The following ATP8A1 variants were observed in gnomAD, a reference collection of about 807,000 sequenced individuals.
The protein encoded by ATP8A1 is phospholipid-transporting ATPase IA.
ATP8A1 carries 90 observed loss-of-function variants against 177.7 expected under a neutral mutation model. That is an observed-to-expected ratio of 0.51 (90% CI 0.43 to 0.60). The LOEUF is 0.60. Ranked by LOEUF, ATP8A1 falls within the 20% of genes least tolerant of loss-of-function variation. ATP8A1 has a pLI of 0.00. For missense variants in ATP8A1, 1,072 were observed against 1,392.8 expected, an observed-to-expected ratio of 0.77 and a Z score of 3.67; for synonymous variants, 493 against 485.9, an observed-to-expected ratio of 1.01 and a Z score of -0.19.
intron 20 of ATP8A1, among the ~76,000 whole-genome samples, chr4:42,535,508 A>G (rs1035323075): frequency 3.9e-5 from 6 of 152,178 alleles, no homozygotes; most frequent in Non-Finnish European, 7.4e-5. Context: ...GCAGCACAAT[A>G]ATAGTGGGGG....
rs115474540 is a variant in ATP8A1 at position 42,618,438 on chromosome 4, G to A, written c.364-2360C>T. Among the ~76,000 whole-genome samples, 735 of 152,156 alleles carry A rather than the reference G, an allele frequency of 4.8e-3. 2 individuals are homozygous for A. The highest frequency in any genetic ancestry group is 7.6e-3 in the African/African-American group (316 of 41,510). Reference sequence around the variant, plus strand: ...CTGGTTGCCTCTTTAACATCTCTCCGGCAATCTCAAAGGCATCTCAAACTG... The same window carrying A: ...CTGGTTGCCTCTTTAACATCTCTCCAGCAATCTCAAAGGCATCTCAAACTG... On this transcript the variant is annotated intron_variant, in intron 4 of 36. Coordinates refer to ENST00000381668, the MANE Select transcript of ATP8A1 (RefSeq NM_006095.2).
chr4:42,548,899 AAAC>A, intron 19 of ATP8A1, 111 bp downstream of exon 19: 3 of 807,862 alleles, frequency 3.7e-6, no homozygotes, highest in Non-Finnish European at 5.8e-6. Context: ...TATTTTGTCT[AAAC>A]AAATTTAGTT....
chr4:42,631,644 C>A (rs1323715512), intron 1 of ATP8A1, among the ~76,000 whole-genome samples: 1 of 152,178 alleles, frequency 6.6e-6, no homozygotes, highest in Non-Finnish European at 1.5e-5. Flanking sequence ...CTTCTATTCC[C>A]TTCTGCAGAG....
At chr4:42,594,868 T>C (rs1293445501) in intron 6 of ATP8A1, among the ~76,000 whole-genome samples, 1 of 152,148 alleles carries the variant, frequency 6.6e-6, no homozygotes, top group African/African-American at 2.4e-5. Flanking sequence ...AAATCCACAT[T>C]TGACTGTCTG....
chr4:42,453,201 C>T (rs1247271171), intron 29 of ATP8A1, among the ~76,000 whole-genome samples: 1 of 152,166 alleles, frequency 6.6e-6, no homozygotes, highest in East Asian at 1.9e-4. Context: ...ACCTCCGACC[C>T]TTTTTACCAT....
intron 1 of ATP8A1, among the ~76,000 whole-genome samples, chr4:42,655,757 C>T (rs947589281): frequency 6.6e-6 from 1 of 152,042 alleles, no homozygotes; most frequent in Non-Finnish European, 1.5e-5. Context: ...ACAGGGAGCC[C>T]CTAAGGAGAA....
At chr4:42,640,665 T>C (rs1352188184) in intron 1 of ATP8A1, among the ~76,000 whole-genome samples, 3 of 152,194 alleles carry the variant, frequency 2.0e-5, no homozygotes, top group Admixed American at 6.5e-5. Context: ...CTGACAAACA[T>C]ACATGGAGGG....
At chr4:42,570,062 G>C (rs1731751818) in intron 14 of ATP8A1, among the ~76,000 whole-genome samples, 1 of 152,052 alleles carries the variant, frequency 6.6e-6, no homozygotes, top group Non-Finnish European at 1.5e-5. Flanking sequence ...TATTTTTGAC[G>C]AATATACAAT....
intron 1 of ATP8A1, among the ~76,000 whole-genome samples, chr4:42,629,108 T>G (rs1023375467): frequency 6.6e-6 from 1 of 152,222 alleles, no homozygotes; most frequent in Non-Finnish European, 1.5e-5. Flanking sequence ...TTCAAGAATT[T>G]CTGTGGGGCA....
intron 5 of ATP8A1, among the ~76,000 whole-genome samples, chr4:42,613,284 T>A (rs1177823710): frequency 6.6e-6 from 1 of 152,034 alleles, no homozygotes; most frequent in African/African-American, 2.4e-5. Context: ...ACTACCAACA[T>A]AAAAGCCATA....
At chr4:42,426,813 A>G (rs149818043) in intron 33 of ATP8A1, among the ~76,000 whole-genome samples, 165 of 152,366 alleles carry the variant, frequency 1.1e-3, no homozygotes, top group Non-Finnish European at 1.8e-3. Flanking sequence ...CTTATCTGCT[A>G]TTTTTAAAAC....
At chr4:42,425,402 T>C (rs984594264) in intron 33 of ATP8A1, among the ~76,000 whole-genome samples, 1 of 152,138 alleles carries the variant, frequency 6.6e-6, no homozygotes, top group Non-Finnish European at 1.5e-5. Context: ...CCTTTGGCAT[T>C]ACAAATGAAC....
At chr4:42,443,415 A>G (rs1210331480) in intron 33 of ATP8A1, 150 bp downstream of exon 33, 12 of 548,574 alleles carry the variant, frequency 2.2e-5, no homozygotes, top group Non-Finnish European at 3.6e-5. Flanking sequence ...AATCACTCGA[A>G]ACTGTGGAAT....
intron 18 of ATP8A1, 67 bp from the exon 19 acceptor site, chr4:42,549,129 C>T (rs1577562111): frequency 3.1e-4 from 418 of 1,330,130 alleles, no homozygotes; most frequent in African/African-American, 3.0e-5. Flanking sequence ...GAAATAAATC[C>T]TAGCCATAAA....
chr4:42,540,341 C>G (rs889975106), intron 20 of ATP8A1, among the ~76,000 whole-genome samples: 3 of 151,964 alleles, frequency 2.0e-5, no homozygotes, highest in African/African-American at 7.3e-5. Flanking sequence ...GGAATGTAAA[C>G]TAGTACAGCC....
At chr4:42,520,211 G>A (rs902553416) in intron 22 of ATP8A1, among the ~76,000 whole-genome samples, 2 of 152,070 alleles carry the variant, frequency 1.3e-5, no homozygotes, top group Non-Finnish European at 2.9e-5. Flanking sequence ...ACTTCAAGTG[G>A]AAACAATTTA....
rs11311245 is a variant in ATP8A1, at chr4:42,446,080, C to CAAAAAAAAAAAA, written c.2958+491_2958+502dup. The stretch of plus-strand genomic sequence containing the variant: ...GGGCGACAAGAGTGAAACGCCCTCT[C>CAAAAAAAAAAAA]AAAAAAAAAAAAAAAAAAAGAGAAG... On this transcript the variant is annotated intron_variant, in intron 31 of 36. Coordinates refer to ENST00000381668, the MANE Select transcript of ATP8A1 (RefSeq NM_006095.2). Among the ~76,000 whole-genome samples, 44 of 63,904 alleles carry CAAAAAAAAAAAA rather than the reference C, an allele frequency of 6.9e-4. 3 individuals carry two copies. In the East Asian group the frequency reaches 0.015, roughly 22 times the overall value. 41.9% of individuals were successfully genotyped at this position (63,904 alleles called of 152,430 possible).
chr4:42,602,334 G>A (rs1735368141), intron 5 of ATP8A1, among the ~76,000 whole-genome samples: 2 of 152,170 alleles, frequency 1.3e-5, no homozygotes, highest in South Asian at 2.1e-4. Context: ...TCCCCTGCTC[G>A]ATGTTGCTCA....
intron 25 of ATP8A1, among the ~76,000 whole-genome samples, chr4:42,467,131 A>G (rs1719858048): frequency 6.6e-6 from 1 of 152,172 alleles, no homozygotes; most frequent in African/African-American, 2.4e-5. Flanking sequence ...AAGCATCAGA[A>G]AAGAGTTGGA....
Sources: allele counts gnomAD v4.1 joint callset (sites outside exome capture counted in the v4.1 genomes callset), GRCh38; gene constraint gnomAD v4.1.1; transcripts MANE v1.5; gene names NCBI Gene and HGNC (gene_info 2026-07-23, HGNC 2026-07-21).